The following TJP1 variants were observed in gnomAD, a reference collection of about 807,000 sequenced individuals.
TJP1 encodes tight junction protein ZO-1.
A neutral mutation model predicts 194.2 loss-of-function variants in TJP1; 43 were observed. The observed-to-expected ratio is 0.22, with a 90% CI of 0.17 to 0.29. The LOEUF (loss-of-function observed/expected upper bound fraction) is 0.29. Ranked by LOEUF, TJP1 falls within the 10% of genes least tolerant of loss-of-function variation. The pLI, the probability that TJP1 is intolerant of heterozygous loss-of-function variation, is 1.00. For synonymous variants in TJP1, 801 were observed against 779.0 expected (o/e 1.03, Z -0.47); for missense variants, 1,971 against 2,185.7 (o/e 0.90, Z 1.96).
intron 19 of TJP1, 130 bp downstream of exon 19, chr15:29,720,228 C>A: frequency 8.9e-7 from 1 of 1,124,876 alleles, no homozygotes; most frequent in Non-Finnish European, 1.2e-6. Context: ...CCTTGGTACT[C>A]TCAAATTGAA....
intron 2 of TJP1, among the ~76,000 whole-genome samples, chr15:29,856,925 C>A (rs1279856832): frequency 1.3e-5 from 2 of 151,836 alleles, no homozygotes; most frequent in African/African-American, 4.8e-5. Flanking sequence ...GTCACTATCC[C>A]CTAAATAATA....
intron 2 of TJP1, among the ~76,000 whole-genome samples, chr15:29,781,757 CTT>C (rs1205574926): frequency 6.6e-6 from 1 of 152,146 alleles, no homozygotes; most frequent in Non-Finnish European, 1.5e-5. Flanking sequence ...TTTCAATAAA[CTT>C]CAACTCCCTT....
intron 2 of TJP1, among the ~76,000 whole-genome samples, chr15:29,778,310 GGAGAA>G (rs2047144168): frequency 6.6e-6 from 1 of 151,782 alleles, no homozygotes; most frequent in Non-Finnish European, 1.5e-5. Flanking sequence ...AAGTAAAAAT[GGAGAA>G]GAGGAGTTGG....
intron 2 of TJP1, among the ~76,000 whole-genome samples, chr15:29,942,573 T>C (rs565685189): frequency 2.0e-5 from 3 of 152,358 alleles, no homozygotes; most frequent in Middle Eastern, 6.8e-3. Flanking sequence ...ACTCCCAAAG[T>C]TATAAAAATA....
At chr15:29,824,256 C>T (rs962830768), upstream of TJP1, among the ~76,000 whole-genome samples, 4 of 151,398 alleles carry the variant, frequency 2.6e-5, no homozygotes, top group South Asian at 2.1e-4. Flanking sequence ...CCAGCCTGGC[C>T]GACATGGTGA....
intron 2 of TJP1, among the ~76,000 whole-genome samples, chr15:29,920,952 G>T (rs1240197040): frequency 6.6e-6 from 1 of 152,198 alleles, no homozygotes; most frequent in Non-Finnish European, 1.5e-5. Flanking sequence ...TACTTGAAAT[G>T]AGTAAAACAT....
chr15:29,705,727 C>A lies in TJP1; in HGVS notation c.4869G>T (p.Glu1623Asp), dbSNP rs573792282. 1 of 1,614,138 alleles carries A rather than the reference C, an allele frequency of 6.2e-7. No homozygotes were observed. The highest frequency in any genetic ancestry group is 1.3e-5 in the African/African-American group (1 of 75,046). Residue 1623 changes from glutamate (E) to aspartate (D), a missense_variant, in exon 26 of 28, where the codon GAG becomes GAT. Glu to Asp is a conservative substitution (Grantham distance 45, BLOSUM62 2). This residue lies in a region of TJP1 where 1,108 missense variants were observed against 1,128.5 expected (regional missense o/e 0.98). Coordinates refer to ENST00000614355, the MANE Select transcript of TJP1 (RefSeq NM_001330239.4). ...CAGTATGACCATCTTCATCTTCATC[C>A]TCTTCCACAGCTGAAGGACTGAAAG... ...AIPVSPSAVEEDEDEDGHTVV... is the reference protein window; with the variant it reads ...AIPVSPSAVEDDEDEDGHTVV...
intron 25 of TJP1, among the ~76,000 whole-genome samples, chr15:29,707,032 A>C (rs192612274): frequency 6.6e-6 from 1 of 152,212 alleles, no homozygotes; most frequent in Admixed American, 6.5e-5. Context: ...AAATCTCCCT[A>C]GGATTTTAAG....
chr15:29,863,153 G>C (rs1323386260), intron 2 of TJP1, among the ~76,000 whole-genome samples: 1 of 151,814 alleles, frequency 6.6e-6, no homozygotes, highest in Admixed American at 6.5e-5. Flanking sequence ...AAAATTAGCT[G>C]GGTGTGGTGG....
chr15:29,934,583 CCT>C (rs1487935251), intron 2 of TJP1, among the ~76,000 whole-genome samples: 2 of 152,180 alleles, frequency 1.3e-5, no homozygotes, highest in Non-Finnish European at 2.9e-5. Flanking sequence ...ATGTAGACAT[CCT>C]CTGTCATAAA....
chr15:29,777,321 C>T (rs532052175), intron 2 of TJP1, among the ~76,000 whole-genome samples: 1 of 152,174 alleles, frequency 6.6e-6, no homozygotes, highest in South Asian at 2.1e-4. Flanking sequence ...GTTTCTGAAC[C>T]TTCAGTCAAA....
Position 29,719,129 on chromosome 15 carries a change from T to C in TJP1, c.3013A>G (p.Lys1005Glu), listed in dbSNP as rs868542651. ...SHVDPTKVYR[K>E]DPYPEEMMRQ... ...ATCATTTCCTCGGGATATGGATCCT[T>C]TCTATACACCTGTATAAAAAATTCA... Residue 1005 changes from lysine (K) to glutamate (E), a missense_variant, in exon 21 of 28, where the codon AAG becomes GAG. Lys to Glu is a moderately conservative substitution (Grantham distance 56). Coordinates refer to ENST00000614355, the MANE Select transcript of TJP1 (RefSeq NM_001330239.4). 6.2e-7 allele frequency: 1 copy of C among 1,608,972 alleles called. No individual in the cohort carries two copies. The highest frequency in any genetic ancestry group is 1.3e-5 in the African/African-American group (1 of 74,676).
At chr15:29,703,870 T>C (rs761037564) in intron 27 of TJP1, among the ~76,000 whole-genome samples, 29 of 152,168 alleles carry the variant, frequency 1.9e-4, no homozygotes, top group Non-Finnish European at 3.5e-4. Flanking sequence ...CTTGAACTCC[T>C]GACCTCAGGT....
chr15:29,706,859 C>T (rs1288900969), intron 25 of TJP1, among the ~76,000 whole-genome samples: 1 of 152,088 alleles, frequency 6.6e-6, no homozygotes, highest in Non-Finnish European at 1.5e-5. Flanking sequence ...GGGTTTTCAC[C>T]GTGTTGGCCA....
At chr15:29,817,024 T>C (rs2049973532) in intron 1 of TJP1, among the ~76,000 whole-genome samples, 1 of 152,138 alleles carries the variant, frequency 6.6e-6, no homozygotes, top group Non-Finnish European at 1.5e-5. Context: ...ACAGGCAACC[T>C]ACAGAATGGG....
intron 8 of TJP1, among the ~76,000 whole-genome samples, chr15:29,754,718 T>C (rs2045531604): frequency 6.6e-6 from 1 of 152,228 alleles, no homozygotes; most frequent in East Asian, 1.9e-4. Flanking sequence ...ATGTGCATCA[T>C]ACTGGTTACC....
intron 4 of TJP1, among the ~76,000 whole-genome samples, chr15:29,769,610 T>C (rs576054957): frequency 4.6e-5 from 7 of 152,248 alleles, no homozygotes; most frequent in Admixed American, 2.6e-4. Context: ...TACACAGTCA[T>C]GCACCATGTA....
Position 29,940,046 on chromosome 15 carries a change from T to C in TJP1, c.306+16186A>G, listed in dbSNP as rs913281661. Among the ~76,000 whole-genome samples the C allele has an allele frequency of 1.3e-5, 2 of 152,360 alleles. 1 individual carries two copies. Among genetic ancestry groups the C allele is most frequent in the South Asian group, 4.1e-4 (2 of 4,826 alleles). On this transcript the variant is annotated intron_variant, in intron 2 of 28. Coordinates refer to the TJP1 transcript ENST00000356107. Reference sequence around the variant, plus strand: ...TGTCAAGCCTATTAGTGACTCTCATTGTGAGACTTCCAGAATAAGCAGGCC... The same window carrying C: ...TGTCAAGCCTATTAGTGACTCTCATCGTGAGACTTCCAGAATAAGCAGGCC...
At chr15:29,924,185 C>T (rs1042351676) in intron 2 of TJP1, among the ~76,000 whole-genome samples, 2 of 152,166 alleles carry the variant, frequency 1.3e-5, no homozygotes, top group African/African-American at 4.8e-5. Flanking sequence ...AATGATCCTC[C>T]CACCTCAGTC....
Sources: gnomAD v4.1 joint callset for allele counts (sites outside exome capture counted in the v4.1 genomes callset) on GRCh38, gnomAD v4.1.1 for gene constraint, gnomAD v4.1.1 regional missense constraint, MANE v1.5 for transcripts, NCBI Gene and HGNC (gene_info 2026-07-23, HGNC 2026-07-21) for gene names.